The following CTNNA2 variants were observed in gnomAD, a reference collection of about 807,000 sequenced individuals.
The protein encoded by CTNNA2 is catenin alpha-2.
Under a neutral mutation model 101.0 loss-of-function variants are expected in CTNNA2, and 42 were observed. The observed-to-expected ratio is 0.42, with a 90% CI of 0.32 to 0.54. The LOEUF is 0.54. Among genes scored for constraint, CTNNA2 ranks in the 20% least tolerant of loss-of-function variants. CTNNA2 has a pLI of 0.14. For missense variants in CTNNA2, 871 were observed against 1,223.1 expected (o/e 0.71, Z 4.29); for synonymous variants, 450 against 456.4 (o/e 0.99, Z 0.18).
intron 7 of CTNNA2, among the ~76,000 whole-genome samples, chr2:80,216,579 A>G (rs1293927275): frequency 6.6e-6 from 1 of 152,116 alleles, no homozygotes; most frequent in Non-Finnish European, 1.5e-5. Flanking sequence ...AGAGCTAGCT[A>G]TCTCTCTTTT....
At chr2:79,953,805 T>C (rs948536299) in intron 7 of CTNNA2, among the ~76,000 whole-genome samples, 1 of 152,210 alleles carries the variant, frequency 6.6e-6, no homozygotes, top group African/African-American at 2.4e-5. Flanking sequence ...CAGAACATGT[T>C]ACCCATTATT....
chr2:80,340,370 C>A (rs1050421106), intron 7 of CTNNA2, among the ~76,000 whole-genome samples: 3 of 152,206 alleles, frequency 2.0e-5, no homozygotes, highest in Admixed American at 6.5e-5. Flanking sequence ...TTGCTGTCTT[C>A]AAGTTTATGG....
chr2:80,625,374 G>C (rs1340567319), intron 18 of CTNNA2, among the ~76,000 whole-genome samples: 2 of 151,848 alleles, frequency 1.3e-5, no homozygotes, highest in Non-Finnish European at 2.9e-5. Flanking sequence ...TTTCAATTGT[G>C]CTCTGGAGGA....
intron 1 of CTNNA2, among the ~76,000 whole-genome samples, chr2:79,606,845 A>T (rs905756393): frequency 6.6e-6 from 1 of 152,230 alleles, no homozygotes; most frequent in Non-Finnish European, 1.5e-5. Context: ...AAAGTATTTA[A>T]TTCAAAAGAA....
intron 9 of CTNNA2, among the ~76,000 whole-genome samples, chr2:80,490,969 G>A (rs1002580717): frequency 1.3e-5 from 2 of 152,182 alleles, no homozygotes; most frequent in Non-Finnish European, 2.9e-5. Context: ...ATGGCCTCAA[G>A]TTACTAATTT....
At chr2:79,316,093 A>G (rs1000085581) in intron 3 of CTNNA2, among the ~76,000 whole-genome samples, 1 of 152,090 alleles carries the variant, frequency 6.6e-6, no homozygotes, top group Non-Finnish European at 1.5e-5. Flanking sequence ...TTTAGGTTTT[A>G]CATTTAAGTT....
intron 7 of CTNNA2, among the ~76,000 whole-genome samples, chr2:80,083,261 T>C (rs1699253985): frequency 6.6e-6 from 1 of 152,104 alleles, no homozygotes; most frequent in African/African-American, 2.4e-5. Flanking sequence ...TTAAAACTAG[T>C]TTCCTCAGTA....
At chr2:79,765,251 T>A (rs1558909939) in intron 3 of CTNNA2, among the ~76,000 whole-genome samples, 1 of 152,228 alleles carries the variant, frequency 6.6e-6, no homozygotes, top group Non-Finnish European at 1.5e-5. Context: ...AATGATTTTA[T>A]TTTCTTTAAA....
At chr2:79,196,662 A>G (rs1007995745) in intron 1 of CTNNA2, among the ~76,000 whole-genome samples, 1 of 152,230 alleles carries the variant, frequency 6.6e-6, no homozygotes, top group African/African-American at 2.4e-5. Flanking sequence ...GAATAACATT[A>G]AGACCTTTGT....
chr2:80,187,877 A>G (rs184205300), intron 7 of CTNNA2, among the ~76,000 whole-genome samples: 4 of 152,096 alleles, frequency 2.6e-5, no homozygotes, highest in Admixed American at 6.5e-5. Context: ...TCCTCACCTT[A>G]CAACCATATG....
At chr2:80,568,560 G>GGTGTGTGTGT (rs1234919156) in intron 12 of CTNNA2, among the ~76,000 whole-genome samples, 1 of 104,654 alleles carries the variant, frequency 9.6e-6, no homozygotes, top group African/African-American at 4.0e-5. Context: ...GTGCTATAAT[G>GGTGTGTGTGT]GTGTGCGTGT....
At chr2:80,587,348 A>G (rs1357163383) in intron 14 of CTNNA2, among the ~76,000 whole-genome samples, 1 of 152,160 alleles carries the variant, frequency 6.6e-6, no homozygotes, top group African/African-American at 2.4e-5. Context: ...CCCTATAGCA[A>G]CTAAGAAATG....
At chr2:79,373,341 A>G (rs1403689606) in intron 3 of CTNNA2, among the ~76,000 whole-genome samples, 1 of 152,228 alleles carries the variant, frequency 6.6e-6, no homozygotes, top group Non-Finnish European at 1.5e-5. Flanking sequence ...AAATATTTTT[A>G]AAGTATTCCT....
At chr2:80,257,029 T>A (rs1360834803) in intron 7 of CTNNA2, among the ~76,000 whole-genome samples, 1 of 152,114 alleles carries the variant, frequency 6.6e-6, no homozygotes, top group Non-Finnish European at 1.5e-5. Flanking sequence ...ACCCAGTGTT[T>A]CCTCTTTAGT....
chr2:80,273,005 A>T (rs1461998885), intron 7 of CTNNA2, among the ~76,000 whole-genome samples: 1 of 152,178 alleles, frequency 6.6e-6, no homozygotes, highest in Non-Finnish European at 1.5e-5. Flanking sequence ...GTTTATAAAG[A>T]TTATTCTGTT....
chr2:79,522,511 T>C (rs563570620), intron 1 of CTNNA2, among the ~76,000 whole-genome samples: 3 of 152,220 alleles, frequency 2.0e-5, no homozygotes, highest in East Asian at 3.9e-4. Context: ...CACAGTGGCG[T>C]GGGGCAAAAA....
At chr2:79,264,733 ATT>A (rs5832376) in intron 2 of CTNNA2, among the ~76,000 whole-genome samples, 1,502 of 149,906 alleles carry the variant, frequency 0.01, 18 homozygotes, top group African/African-American at 0.034. Context: ...GCTGCAACCT[ATT>A]TTTTTTTTTT....
At chr2:80,212,839 G>T (rs1707990035) in intron 7 of CTNNA2, among the ~76,000 whole-genome samples, 1 of 152,110 alleles carries the variant, frequency 6.6e-6, no homozygotes, top group African/African-American at 2.4e-5. Flanking sequence ...AATCCATCTG[G>T]TCCTGGAATT....
At chr2:79,326,446 C>A (rs1226944223) in intron 3 of CTNNA2, among the ~76,000 whole-genome samples, 1 of 152,048 alleles carries the variant, frequency 6.6e-6, no homozygotes, top group Non-Finnish European at 1.5e-5. Context: ...TCCTAGAATC[C>A]ACTCTTTATA....
Sources: allele counts gnomAD v4.1 joint callset (sites outside exome capture counted in the v4.1 genomes callset), GRCh38; gene constraint gnomAD v4.1.1; transcripts MANE v1.5; gene names NCBI Gene and HGNC (gene_info 2026-07-23, HGNC 2026-07-21).